The following ANKRD6 variants were observed in gnomAD, a reference collection of about 807,000 sequenced individuals.
ANKRD6 encodes ankyrin repeat domain 6, also known as ankyrin repeat domain-containing protein 6.
In ANKRD6, 56 loss-of-function variants were observed where a neutral mutation model predicts 82.3. That is an observed-to-expected ratio of 0.68 (90% CI 0.55 to 0.85). The LOEUF (loss-of-function observed/expected upper bound fraction) is 0.85. Ranked by LOEUF, ANKRD6 falls within the 40% of genes least tolerant of loss-of-function variation. The pLI, the probability that ANKRD6 is intolerant of heterozygous loss-of-function variation, is 0.00. For missense variants in ANKRD6, 852 were observed against 907.6 expected (o/e 0.94, Z 0.79); for synonymous variants, 347 against 352.1 (o/e 0.99, Z 0.16).
At chr6:89,505,451 A>G (rs1353517900) in intron 1 of ANKRD6, among the ~76,000 whole-genome samples, 1 of 152,210 alleles carries the variant, frequency 6.6e-6, no homozygotes, top group East Asian at 1.9e-4. Flanking sequence ...CCCTCAGAGC[A>G]ACTCCCAGAA....
intron 1 of ANKRD6, among the ~76,000 whole-genome samples, chr6:89,484,407 T>C (rs1777136474): frequency 6.6e-6 from 1 of 152,182 alleles, no homozygotes; most frequent in Non-Finnish European, 1.5e-5. Flanking sequence ...TGAGATTTCA[T>C]ATTCAGAATG....
intron 5 of ANKRD6, among the ~76,000 whole-genome samples, chr6:89,606,487 ATGC>A (rs1798658033): frequency 6.6e-6 from 1 of 152,152 alleles, no homozygotes; most frequent in Non-Finnish European, 1.5e-5. Context: ...GCTCCCCTAG[ATGC>A]TGCTGGGAAA....
At chr6:89,574,019 C>T (rs1790533411) in intron 2 of ANKRD6, among the ~76,000 whole-genome samples, 1 of 152,176 alleles carries the variant, frequency 6.6e-6, no homozygotes, top group Non-Finnish European at 1.5e-5. Context: ...GAACTCCCCA[C>T]CACATCATCA....
chr6:89,508,001 GCTGA>G (rs1407102462), intron 1 of ANKRD6, among the ~76,000 whole-genome samples: 7 of 152,090 alleles, frequency 4.6e-5, no homozygotes, highest in African/African-American at 1.4e-4. Context: ...ATACAGCAAA[GCTGA>G]CTTTTACAGT....
chr6:89,618,020 A>G lies in ANKRD6; in HGVS notation c.781A>G (p.Lys261Glu), dbSNP rs1802041372. Reference sequence around the variant, plus strand: ...CCCGGAAGTTGCTCTTCTCCTTACTAAAGCTCCCCAGGTAGGATTTACTGC... The same window carrying G: ...CCCGGAAGTTGCTCTTCTCCTTACTGAAGCTCCCCAGGTAGGATTTACTGC... ...NNPEVALLLT[K>E]APQVLRFSRG... The change falls in exon 9 of 16, where the codon AAA (lysine) becomes GAA (glutamate). Residue 261 changes from lysine to glutamate, a missense_variant. Coordinates refer to ENST00000339746, the MANE Select transcript of ANKRD6 (RefSeq NM_001242809.2). 2 of 1,614,006 alleles carry G rather than the reference A, an allele frequency of 1.2e-6. No individual in the cohort carries two copies. Among genetic ancestry groups the G allele is most frequent in the East Asian group, 2.2e-5 (1 of 44,888 alleles).
chr6:89,627,484 G>C (rs1806109749), intron 13 of ANKRD6, 99 bp from the exon 14 acceptor site: 1 of 914,446 alleles, frequency 1.1e-6, no homozygotes. Flanking sequence ...GCATGCAGGG[G>C]CTCCTACTTG....
At chr6:89,538,591 A>T (rs1023566600) in intron 1 of ANKRD6, among the ~76,000 whole-genome samples, 1 of 152,198 alleles carries the variant, frequency 6.6e-6, no homozygotes, top group Non-Finnish European at 1.5e-5. Context: ...CAGGCTTAGT[A>T]ATGCAGTGAA....
chr6:89,511,657 A>G (rs1780566042), intron 1 of ANKRD6, among the ~76,000 whole-genome samples: 1 of 152,226 alleles, frequency 6.6e-6, no homozygotes. Flanking sequence ...ATGCATAGAA[A>G]GTGCTTAGTG....
rs1301885306 is a variant in ANKRD6, at chr6:89,596,025, G to A, written c.219+11G>A. The A allele has an allele frequency of 5.0e-6, 8 of 1,598,886 alleles. No individual in the cohort carries two copies. Among genetic ancestry groups the A allele is most frequent in the Non-Finnish European group, 6.8e-6 (8 of 1,171,880 alleles). On this transcript the variant is annotated intron_variant, in intron 3 of 15. Coordinates refer to ENST00000339746, the MANE Select transcript of ANKRD6 (RefSeq NM_001242809.2). ...GATGTCCAGGATGATGTGAGTAGAA[G>A]CCATCATTCTATCAGGCTGAGTTGG...
chr6:89,480,691 A>T (rs1214252670), intron 1 of ANKRD6, among the ~76,000 whole-genome samples: 1 of 151,090 alleles, frequency 6.6e-6, no homozygotes, highest in East Asian at 1.9e-4. Flanking sequence ...ATGCCTTGGC[A>T]CTTTGGGAGG....
At chr6:89,602,238 G>C (rs1797357916) in intron 3 of ANKRD6, 1 of 152,216 alleles carries the variant, frequency 6.6e-6, no homozygotes, top group African/African-American at 2.4e-5. Context: ...GAGATAAAGG[G>C]TGCTCTTAGA....
chr6:89,460,909 C>CTTTTTTTTTTTT (rs143153320), intron 1 of ANKRD6, among the ~76,000 whole-genome samples: 53,914 of 131,938 alleles, frequency 0.41, 12,020 homozygotes, highest in African/African-American at 0.53. Context: ...TTTTGGAATT[C>CTTTTTTTTTTTT]TTTTTTTTTG....
intron 1 of ANKRD6, among the ~76,000 whole-genome samples, chr6:89,552,978 G>A (rs574462684): frequency 1.4e-4 from 22 of 152,204 alleles, no homozygotes; most frequent in Non-Finnish European, 2.5e-4. Context: ...ATGTAGTACC[G>A]GTGTTTCCAG....
chr6:89,474,789 C>T (rs1775859992), intron 1 of ANKRD6, among the ~76,000 whole-genome samples: 4 of 152,162 alleles, frequency 2.6e-5, no homozygotes, highest in Admixed American at 2.6e-4. Flanking sequence ...TGCACATCCA[C>T]CCACAGTGAA....
chr6:89,558,904 A>C (rs934765383), intron 1 of ANKRD6, among the ~76,000 whole-genome samples: 3 of 152,190 alleles, frequency 2.0e-5, no homozygotes, highest in Non-Finnish European at 4.4e-5. Flanking sequence ...TCTATCAGTG[A>C]AGATAAAAAG....
intron 1 of ANKRD6, among the ~76,000 whole-genome samples, chr6:89,448,129 A>C (rs1330852848): frequency 1.3e-5 from 2 of 152,148 alleles, no homozygotes; most frequent in African/African-American, 4.8e-5. Context: ...AAATCCTAGG[A>C]CATTTTAAGA....
intron 1 of ANKRD6, among the ~76,000 whole-genome samples, chr6:89,556,538 G>A (rs1786623974): frequency 6.6e-6 from 1 of 152,194 alleles, no homozygotes; most frequent in Admixed American, 6.5e-5. Context: ...CCATATATAA[G>A]CTGAAACCTG....
chr6:89,484,025 T>G (rs1334044305), intron 1 of ANKRD6, among the ~76,000 whole-genome samples: 1 of 152,088 alleles, frequency 6.6e-6, no homozygotes, highest in African/African-American at 2.4e-5. Flanking sequence ...CGTGCCTCAG[T>G]GTCCTGAGTA....
At chr6:89,496,102 G>A (rs1330778738) in intron 1 of ANKRD6, among the ~76,000 whole-genome samples, 4 of 151,872 alleles carry the variant, frequency 2.6e-5, no homozygotes, top group Admixed American at 1.3e-4. Flanking sequence ...TCTACAAAAT[G>A]AAGACTCCGG....
Sources: allele counts gnomAD v4.1 joint callset (sites outside exome capture counted in the v4.1 genomes callset), GRCh38; gene constraint gnomAD v4.1.1; transcripts MANE v1.5; gene names NCBI Gene and HGNC (gene_info 2026-07-23, HGNC 2026-07-21).